Variants in TAFA2 observed in about 807,000 individuals in gnomAD.
TAFA2 encodes the protein chemokine-like protein TAFA-2.
Under a neutral mutation model 18.8 loss-of-function variants are expected in TAFA2, and 7 were observed. The ratio of observed to expected loss-of-function variants is 0.37; its 90% CI spans 0.21 to 0.70. The LOEUF (loss-of-function observed/expected upper bound fraction) is 0.70. TAFA2 is among the 30% of genes least tolerant of loss of function. The pLI, the probability that TAFA2 is intolerant of heterozygous loss-of-function variation, is 0.53. For missense variants in TAFA2, 122 were observed against 158.1 expected, an observed-to-expected ratio of 0.77 and a Z score of 1.23; for synonymous variants, 60 against 54.2, an observed-to-expected ratio of 1.11 and a Z score of -0.47.
At chr12:62,059,702 T>A (rs1882294222) in intron 1 of TAFA2, among the ~76,000 whole-genome samples, 3 of 152,200 alleles carry the variant, frequency 2.0e-5, no homozygotes, top group Non-Finnish European at 4.4e-5. Context: ...GATAAGTTTA[T>A]CTTGAATAAT....
intron 1 of TAFA2, among the ~76,000 whole-genome samples, chr12:62,028,895 C>T (rs1881377453): frequency 6.6e-6 from 1 of 152,168 alleles, no homozygotes; most frequent in South Asian, 2.1e-4. Flanking sequence ...CTTCAACCCT[C>T]CTTCACATCT....
At chr12:61,820,597 A>T (rs1447888785) in intron 2 of TAFA2, among the ~76,000 whole-genome samples, 1 of 152,014 alleles carries the variant, frequency 6.6e-6, no homozygotes, top group Admixed American at 6.6e-5. Context: ...AAAGAAATAA[A>T]AAAAGATAAT....
intron 1 of TAFA2, among the ~76,000 whole-genome samples, chr12:62,223,544 C>T (rs955414807): frequency 2.0e-5 from 3 of 151,788 alleles, no homozygotes; most frequent in Admixed American, 6.6e-5. Context: ...GCAAAAAAAA[C>T]GAAGTTGGAT....
intron 1 of TAFA2, among the ~76,000 whole-genome samples, chr12:61,955,632 AAT>A (rs775755094): frequency 0.013 from 520 of 41,134 alleles, 6 homozygotes; most frequent in African/African-American, 0.038. Flanking sequence ...AAAAAAAAAA[AAT>A]ATATATATAT....
chr12:62,010,354 T>C (rs12824141), intron 1 of TAFA2, among the ~76,000 whole-genome samples: 63,085 of 151,954 alleles, frequency 0.42, 13,683 homozygotes, highest in Non-Finnish European at 0.47. Flanking sequence ...GACAGGGTTT[T>C]GCCCTGTTGA....
At chr12:61,897,121 A>AAT (rs1389179527) in intron 1 of TAFA2, among the ~76,000 whole-genome samples, 1 of 152,174 alleles carries the variant, frequency 6.6e-6, no homozygotes, top group East Asian at 1.9e-4. Flanking sequence ...ATTTAATAAC[A>AAT]ATAACATTAC....
chr12:61,992,576 C>A (rs1880048686), intron 1 of TAFA2, among the ~76,000 whole-genome samples: 1 of 152,046 alleles, frequency 6.6e-6, no homozygotes, highest in Admixed American at 6.6e-5. Flanking sequence ...GTCACTGCTC[C>A]CCTCAAAATG....
At chr12:62,133,454 T>G (rs1307938966) in intron 1 of TAFA2, among the ~76,000 whole-genome samples, 1 of 151,678 alleles carries the variant, frequency 6.6e-6, no homozygotes, top group Non-Finnish European at 1.5e-5. Flanking sequence ...AGTCCAAAAC[T>G]GGGCAAAACT....
chr12:62,136,497 T>C (rs1870900505), intron 1 of TAFA2, among the ~76,000 whole-genome samples: 1 of 152,132 alleles, frequency 6.6e-6, no homozygotes, highest in South Asian at 2.1e-4. Context: ...CAGAATATAA[T>C]TTCTCCTAAG....
At chr12:61,769,687 G>T (rs374245045) in intron 2 of TAFA2, among the ~76,000 whole-genome samples, 2 of 150,372 alleles carry the variant, frequency 1.3e-5, no homozygotes, top group African/African-American at 5.0e-5. Context: ...CTAGGAGAAG[G>T]GGGAGAGCAC....
chr12:62,006,252 T>C (rs1211844715), intron 1 of TAFA2, among the ~76,000 whole-genome samples: 1 of 152,142 alleles, frequency 6.6e-6, no homozygotes, highest in Non-Finnish European at 1.5e-5. Flanking sequence ...TTTGTTTTTG[T>C]CTTTAAACCT....
chr12:61,826,599 G>A (rs1872544499), intron 2 of TAFA2, among the ~76,000 whole-genome samples: 1 of 152,048 alleles, frequency 6.6e-6, no homozygotes, highest in Non-Finnish European at 1.5e-5. Flanking sequence ...ATGCCAATGT[G>A]TCATATGGGC....
At chr12:62,105,755 A>C (rs1869419675) in intron 1 of TAFA2, among the ~76,000 whole-genome samples, 1 of 152,232 alleles carries the variant, frequency 6.6e-6, no homozygotes, top group South Asian at 2.1e-4. Flanking sequence ...ATCTAATGTT[A>C]GCATTAAGAG....
chr12:62,015,854 T>A (rs1176614476), intron 1 of TAFA2, among the ~76,000 whole-genome samples: 1 of 152,152 alleles, frequency 6.6e-6, no homozygotes, highest in East Asian at 1.9e-4. Flanking sequence ...AATTCATAAA[T>A]GCAGAAAGTA....
chr12:61,880,235 A>T (rs1017451408), intron 1 of TAFA2: 5 of 489,680 alleles, frequency 1.0e-5, no homozygotes, highest in Non-Finnish European at 1.2e-5. Flanking sequence ...GTGTACAAAG[A>T]CTGACATCTC....
chr12:61,968,181 C>T (rs892627589), intron 1 of TAFA2, among the ~76,000 whole-genome samples: 16 of 151,660 alleles, frequency 1.1e-4, no homozygotes, highest in Non-Finnish European at 2.2e-4. Context: ...CTGGTCTGAC[C>T]TTATTTTCTT....
At chr12:62,205,632 C>T (rs2136970069) in intron 1 of TAFA2, among the ~76,000 whole-genome samples, 1 of 152,314 alleles carries the variant, frequency 6.6e-6, no homozygotes, top group African/African-American at 2.4e-5. Flanking sequence ...CACTGTGCTG[C>T]ACTGTGGGGA....
intron 1 of TAFA2, among the ~76,000 whole-genome samples, chr12:62,164,852 G>A (rs538720381): frequency 2.6e-5 from 4 of 152,114 alleles, no homozygotes; most frequent in Non-Finnish European, 5.9e-5. Flanking sequence ...GCCTGGCACA[G>A]AGGGCTAAAC....
intron 1 of TAFA2, among the ~76,000 whole-genome samples, chr12:62,201,758 A>ATGAGT (rs1173810823): frequency 2.0e-5 from 3 of 152,168 alleles, no homozygotes; most frequent in African/African-American, 7.2e-5. Flanking sequence ...GCCTCAAAAG[A>ATGAGT]TGAGTTGGGA....
Sources: gnomAD v4.1 joint callset for allele counts (sites outside exome capture counted in the v4.1 genomes callset) on GRCh38, gnomAD v4.1.1 for gene constraint, MANE v1.5 for transcripts, NCBI Gene and HGNC (gene_info 2026-07-23, HGNC 2026-07-21) for gene names.